CPNE5: variants seen among roughly 807,000 people sequenced by gnomAD.
CPNE5 encodes copine-5.
Under a neutral mutation model 81.1 loss-of-function variants are expected in CPNE5, and 42 were observed. The observed-to-expected ratio is 0.52, with a 90% CI of 0.40 to 0.67. The LOEUF is 0.67. Ranked by LOEUF, CPNE5 falls within the 30% of genes least tolerant of loss-of-function variation. The probability of loss-of-function intolerance (pLI) is 0.00; values close to 1 mark genes in which losing one functional copy is unlikely to be tolerated. For synonymous variants in CPNE5, 313 were observed against 321.5 expected, an observed-to-expected ratio of 0.97 and a Z score of 0.28; for missense variants, 612 against 815.5, an observed-to-expected ratio of 0.75 and a Z score of 3.04.
intron 8 of CPNE5, among the ~76,000 whole-genome samples, chr6:36,780,579 G>A (rs1296986448): frequency 1.3e-5 from 2 of 152,168 alleles, no homozygotes; most frequent in Non-Finnish European, 2.9e-5. Flanking sequence ...GAGTTAACAG[G>A]AGTACAGCGC....
intron 20 of CPNE5, chr6:36,742,839 C>G (rs73730167): frequency 0.05 from 49,494 of 985,386 alleles, 1,426 homozygotes; most frequent in African/African-American, 0.11. Flanking sequence ...ACGTGCCCTC[C>G]TGGGTTTCCC....
At chr6:36,745,637 T>G in intron 16 of CPNE5, 122 bp from the exon 17 acceptor site, 11 of 1,106,630 alleles carry the variant, frequency 9.9e-6, no homozygotes, top group East Asian at 2.8e-5. Flanking sequence ...TTCTCTGGTG[T>G]GGGGTGGCGG....
In CPNE5 at chr6:36,743,688, C is replaced by T; in HGVS notation, c.1563+1G>A. 1 of 1,613,512 alleles carries T rather than the reference C, an allele frequency of 6.2e-7. No individual in the cohort carries two copies. Among genetic ancestry groups the T allele is most frequent in the Non-Finnish European group, 8.5e-7 (1 of 1,179,898 alleles). Reference sequence around the variant, plus strand: ...TGGGGCAGGCAAGGCCTGGGCTTCACCTGGACGATGTCGCGTTCAGCCAGC... The same window carrying T: ...TGGGGCAGGCAAGGCCTGGGCTTCATCTGGACGATGTCGCGTTCAGCCAGC... On this transcript the variant is annotated splice_donor_variant, in intron 20 of 20. Coordinates refer to ENST00000244751, the MANE Select transcript of CPNE5 (RefSeq NM_020939.2). LOFTEE classifies it high-confidence loss of function.
intron 7 of CPNE5, among the ~76,000 whole-genome samples, chr6:36,792,610 T>G (rs1419052626): frequency 2.6e-5 from 4 of 152,148 alleles, no homozygotes; most frequent in African/African-American, 9.7e-5. Flanking sequence ...CTCCTTCCCA[T>G]GGCTACCTCC....
At chr6:36,800,125 TG>T in intron 3 of CPNE5, 55 bp from the exon 4 acceptor site, 1 of 1,330,410 alleles carries the variant, frequency 7.5e-7, no homozygotes, top group South Asian at 1.3e-5. Context: ...GGCCGGCTGG[TG>T]GGGCAGGGGA....
rs1474651626 is a variant in CPNE5, at chr6:36,766,974, C to T, written c.738-1598G>A. 6.6e-6 allele frequency among the ~76,000 whole-genome samples: 1 copy of T among 152,164 alleles called. No individual in the cohort carries two copies. The highest frequency in any genetic ancestry group is 1.5e-5 in the Non-Finnish European group (1 of 68,036). ...GATTCAACTGATTCTCCTGCCTCAC[C>T]CTCCCAAGTGTCTGGGATTACAGGC... is the stretch of plus-strand genomic sequence containing the variant. On this transcript the variant is annotated intron_variant, in intron 10 of 20. Coordinates refer to ENST00000244751, the MANE Select transcript of CPNE5 (RefSeq NM_020939.2). This position sits in a 1 kb window ranked among gnomAD's most constrained non-coding sequence, Gnocchi z 4.2.
chr6:36,765,752 C>T (rs1766508376), intron 10 of CPNE5, among the ~76,000 whole-genome samples: 2 of 151,950 alleles, frequency 1.3e-5, no homozygotes, highest in Non-Finnish European at 2.9e-5. Flanking sequence ...GTGGTGCTCC[C>T]TGGATCTCAG....
chr6:36,762,153 T>G (rs1766088200), intron 12 of CPNE5, among the ~76,000 whole-genome samples: 2 of 144,162 alleles, frequency 1.4e-5, no homozygotes, highest in Admixed American at 1.4e-4. Flanking sequence ...CTCGGGAGGC[T>G]GAGGTGGGAG....
intron 3 of CPNE5, among the ~76,000 whole-genome samples, chr6:36,807,632 C>T (rs1352563916): frequency 6.6e-6 from 1 of 152,150 alleles, no homozygotes; most frequent in Non-Finnish European, 1.5e-5. Context: ...GCTCATCTTC[C>T]ACACCTGAGA....
intron 12 of CPNE5, among the ~76,000 whole-genome samples, chr6:36,759,543 A>G (rs1280020850): frequency 4.6e-5 from 7 of 151,434 alleles, no homozygotes; most frequent in African/African-American, 1.7e-4. Context: ...CACAACCCCC[A>G]CCCTGAGGAC....
chr6:36,827,872 A>ATTT, intron 1 of CPNE5: 1 of 287,244 alleles, frequency 3.5e-6, no homozygotes, highest in Non-Finnish European at 5.2e-6. Context: ...GGAAAAACGT[A>ATTT]TTTTTTTTTT....
chr6:36,829,534 TG>T (rs937860419), intron 1 of CPNE5, among the ~76,000 whole-genome samples: 2 of 150,188 alleles, frequency 1.3e-5, no homozygotes, highest in African/African-American at 4.9e-5. Flanking sequence ...AACAGAAGGC[TG>T]GGCACGGTGG....
At chr6:36,794,481 C>A in intron 7 of CPNE5, 109 bp downstream of exon 7, 1 of 1,051,366 alleles carries the variant, frequency 9.5e-7, no homozygotes. Context: ...CGGATCAGGG[C>A]CAAATTCGCA....
chr6:36,745,886 C>T (rs189054998), intron 16 of CPNE5, among the ~76,000 whole-genome samples: 1 of 152,276 alleles, frequency 6.6e-6, no homozygotes. Flanking sequence ...CCCAGCACAG[C>T]ACCTTGCACC....
chr6:36,818,237 C>T (rs1474542267), intron 3 of CPNE5, among the ~76,000 whole-genome samples: 1 of 152,280 alleles, frequency 6.6e-6, no homozygotes, highest in East Asian at 1.9e-4. Flanking sequence ...TGTCAAAATG[C>T]CTTAGTTGAA....
chr6:36,783,234 G>A (rs1018011032), intron 8 of CPNE5, among the ~76,000 whole-genome samples: 2 of 152,054 alleles, frequency 1.3e-5, no homozygotes, highest in African/African-American at 4.8e-5. Context: ...GTGGAGGGTG[G>A]GAGGAAGGAG....
chr6:36,791,897 C>T (rs753797156), intron 8 of CPNE5, 136 bp downstream of exon 8: 5 of 778,648 alleles, frequency 6.4e-6, no homozygotes, highest in Non-Finnish European at 1.1e-5. Context: ...TCTGATGTTG[C>T]AAAATTCTAT....
intron 8 of CPNE5, among the ~76,000 whole-genome samples, chr6:36,790,695 T>C (rs566426875): frequency 1.3e-5 from 2 of 152,298 alleles, no homozygotes; most frequent in Non-Finnish European, 2.9e-5. Flanking sequence ...AGCCTCTGCC[T>C]GCCGGGCCCA....
intron 8 of CPNE5, among the ~76,000 whole-genome samples, chr6:36,790,789 C>A (rs964769649): frequency 1.3e-5 from 2 of 152,066 alleles, no homozygotes; most frequent in African/African-American, 4.8e-5. Flanking sequence ...GTGATCCGCC[C>A]GCCTCGGCCT....
Sources: allele counts gnomAD v4.1 joint callset (sites outside exome capture counted in the v4.1 genomes callset), GRCh38; gene constraint gnomAD v4.1.1; non-coding constraint Gnocchi (gnomAD v3.1); transcripts MANE v1.5; gene names NCBI Gene and HGNC (gene_info 2026-07-23, HGNC 2026-07-21).